ZBTB7C: variants seen among roughly 807,000 people sequenced by gnomAD.
The protein encoded by ZBTB7C is zinc finger and BTB domain containing 7C.
In ZBTB7C, 8 loss-of-function variants were observed where a neutral mutation model predicts 25.7. The observed-to-expected ratio is 0.31, with a 90% confidence interval of 0.18 to 0.56. The LOEUF (loss-of-function observed/expected upper bound fraction) is 0.56, where lower values mean the gene tolerates loss of function less well. Ranked by LOEUF, ZBTB7C falls within the 20% of genes least tolerant of loss-of-function variation. The probability of loss-of-function intolerance (pLI) is 0.91; values close to 1 mark genes in which losing one functional copy is unlikely to be tolerated. For missense variants in ZBTB7C, 824 were observed against 855.2 expected (o/e 0.96, Z 0.46); for synonymous variants, 394 against 369.0 (o/e 1.07, Z -0.78).
intron 3 of ZBTB7C, among the ~76,000 whole-genome samples, chr18:48,072,228 A>C (rs2037569068): frequency 6.6e-6 from 1 of 152,174 alleles, no homozygotes; most frequent in African/African-American, 2.4e-5. Flanking sequence ...GTGAGTTGAC[A>C]CTCTACTTCT....
chr18:48,045,768 GTC>G (rs147606268), intron 3 of ZBTB7C, among the ~76,000 whole-genome samples: 6,844 of 152,226 alleles, frequency 0.045, 528 homozygotes, highest in African/African-American at 0.16. Context: ...AATGATTGGT[GTC>G]TCTGCTAGAT....
At chr18:48,056,557 G>A (rs1453280192) in intron 3 of ZBTB7C, among the ~76,000 whole-genome samples, 1 of 152,126 alleles carries the variant, frequency 6.6e-6, no homozygotes, top group Non-Finnish European at 1.5e-5. Flanking sequence ...GTCACGGGCA[G>A]TCCATAAACA....
chr18:48,302,095 G>C (rs2045558674), intron 2 of ZBTB7C, among the ~76,000 whole-genome samples: 2 of 152,148 alleles, frequency 1.3e-5, no homozygotes, highest in South Asian at 4.2e-4. Flanking sequence ...ATTACCTCTG[G>C]CTTCTGCAGA....
chr18:48,216,689 C>T (rs939559665), intron 2 of ZBTB7C, among the ~76,000 whole-genome samples: 6 of 152,018 alleles, frequency 3.9e-5, no homozygotes, highest in African/African-American at 9.7e-5. Context: ...AACCCCGCTC[C>T]GTCAGCCCAC....
In ZBTB7C at chr18:48,232,967, G is replaced by A. The variant is rs1349097803; in HGVS notation, c.-78-46972C>T. On this transcript the variant is annotated intron_variant, in intron 2 of 4. Transcript: ENST00000590800. ...CAGCAAAACAACAGAAACAAGAAGG[G>A]CATGTAGGTGAAACAGTATATAAGA... 2.0e-5 allele frequency among the ~76,000 whole-genome samples: 3 copies of A among 152,186 alleles called. No homozygotes were observed. In the East Asian group the frequency reaches 5.8e-4, roughly 29 times the overall value.
chr18:48,036,728 C>T lies in ZBTB7C; in HGVS notation c.1208+3172G>A, dbSNP rs550998740. Reference sequence around the variant, plus strand: ...CTTGGAAGGGAGTCTGGGAATTCTGCGTCAACGAGGCAGCCGTCTCTGCTC... The same window carrying T: ...CTTGGAAGGGAGTCTGGGAATTCTGTGTCAACGAGGCAGCCGTCTCTGCTC... On this transcript the variant is annotated intron_variant, in intron 4 of 4. Coordinates refer to ENST00000590800, the MANE Select transcript of ZBTB7C (RefSeq NM_001318841.2). 4.6e-5 allele frequency among the ~76,000 whole-genome samples: 7 copies of T among 152,250 alleles called. No individual in the cohort carries two copies. In the South Asian group the frequency reaches 1.2e-3, roughly 27 times the overall value.
intron 3 of ZBTB7C, among the ~76,000 whole-genome samples, chr18:48,140,368 G>A (rs1461465248): frequency 6.6e-6 from 1 of 152,236 alleles, no homozygotes; most frequent in Non-Finnish European, 1.5e-5. Context: ...CCACGCTGTG[G>A]GGTAGATCTT....
At chr18:48,117,672 C>G (rs2039487955) in intron 3 of ZBTB7C, among the ~76,000 whole-genome samples, 3 of 152,170 alleles carry the variant, frequency 2.0e-5, no homozygotes, top group Admixed American at 6.6e-5. Context: ...AGAGGTAACT[C>G]TTTTTACTGT....
chr18:48,208,804 C>T (rs1276050547), intron 2 of ZBTB7C, among the ~76,000 whole-genome samples: 2 of 152,150 alleles, frequency 1.3e-5, no homozygotes, highest in East Asian at 3.9e-4. Context: ...CCTTTCCTGA[C>T]TTAATTTGTG....
chr18:48,357,972 G>A (rs2145082053), intron 1 of ZBTB7C, among the ~76,000 whole-genome samples: 1 of 152,346 alleles, frequency 6.6e-6, no homozygotes, highest in East Asian at 1.9e-4. Context: ...CACAAGGGCA[G>A]ATCCCGCATG....
At position 48,029,916 on chromosome 18, in the gene ZBTB7C, A is replaced by G; in HGVS notation, c.1209-5T>C. ...TGGATTTTCAGCTTGTCCTGCCTGC[A>G]ATGCAGAGACTGGGGGTCAGTCCCG... On this transcript the variant is annotated splice_polypyrimidine_tract_variant and splice_region_variant and intron_variant, in intron 4 of 4. Transcript: ENST00000590800. 6.2e-7 allele frequency: 1 copy of G among 1,610,540 alleles called. No individual in the cohort carries two copies. Among genetic ancestry groups the G allele is most frequent in the Non-Finnish European group, 8.5e-7 (1 of 1,179,978 alleles).
At chr18:48,144,292 T>TAA (rs773428221) in intron 3 of ZBTB7C, among the ~76,000 whole-genome samples, 21,870 of 151,740 alleles carry the variant, frequency 0.14, 1,766 homozygotes, top group South Asian at 0.23. Context: ...AAAAAAAATT[T>TAA]TTTTTTTCTT....
chr18:48,080,796 T>C (rs964183843), intron 3 of ZBTB7C, among the ~76,000 whole-genome samples: 1 of 152,142 alleles, frequency 6.6e-6, no homozygotes, highest in Non-Finnish European at 1.5e-5. Context: ...CCAGAGCCCA[T>C]GAGGCCAGGC....
chr18:48,231,531 T>A (rs982405906), intron 2 of ZBTB7C, among the ~76,000 whole-genome samples: 13 of 152,280 alleles, frequency 8.5e-5, no homozygotes, highest in African/African-American at 2.9e-4. Context: ...GGAGAGGAAC[T>A]ACACGCTGTG....
At chr18:48,349,883 C>A (rs1183099017) in intron 1 of ZBTB7C, among the ~76,000 whole-genome samples, 2 of 152,184 alleles carry the variant, frequency 1.3e-5, no homozygotes, top group Non-Finnish European at 2.9e-5. Flanking sequence ...ACATTTTCTT[C>A]ATTTTGTGGC....
At chr18:48,346,230 T>G (rs72911558) in intron 1 of ZBTB7C, among the ~76,000 whole-genome samples, 2 of 152,228 alleles carry the variant, frequency 1.3e-5, no homozygotes, top group South Asian at 2.1e-4. Flanking sequence ...CACAAAGCAC[T>G]TGAAGGGCTG....
intron 2 of ZBTB7C, among the ~76,000 whole-genome samples, chr18:48,223,566 C>T (rs1166975090): frequency 6.6e-6 from 1 of 152,174 alleles, no homozygotes; most frequent in Non-Finnish European, 1.5e-5. Context: ...AGACCCTAGA[C>T]ACGTGTGCAC....
intron 2 of ZBTB7C, among the ~76,000 whole-genome samples, chr18:48,290,364 G>A (rs952686973): frequency 8.5e-5 from 13 of 152,214 alleles, no homozygotes; most frequent in Non-Finnish European, 1.5e-4. Context: ...TTTCAGGGCC[G>A]CCAAAGCTAC....
At chr18:48,183,432 C>A (rs1367579094) in intron 3 of ZBTB7C, among the ~76,000 whole-genome samples, 3 of 152,110 alleles carry the variant, frequency 2.0e-5, no homozygotes, top group African/African-American at 7.2e-5. Flanking sequence ...GAATTTAGAG[C>A]CTTGAGACGA....
Sources: gnomAD v4.1 joint callset for allele counts (sites outside exome capture counted in the v4.1 genomes callset) on GRCh38, gnomAD v4.1.1 for gene constraint, MANE v1.5 for transcripts, NCBI Gene and HGNC (gene_info 2026-07-23, HGNC 2026-07-21) for gene names.